LUZP2: variants seen among roughly 807,000 people sequenced by gnomAD.
LUZP2 encodes leucine zipper protein 2.
LUZP2 carries 52 observed loss-of-function variants against 51.6 expected under a neutral mutation model. The observed-to-expected ratio is 1.01, with a 90% CI of 0.81 to 1.27. The LOEUF is 1.27. Ranked by LOEUF, LUZP2 falls within the 50% of genes most tolerant of loss-of-function variation. The probability of loss-of-function intolerance (pLI) is 0.00; values close to 1 mark genes in which losing one functional copy is unlikely to be tolerated. For synonymous variants in LUZP2, 154 were observed against 137.3 expected (o/e 1.12, Z -0.85); for missense variants, 436 against 395.4 (o/e 1.10, Z -0.87).
intron 9 of LUZP2, among the ~76,000 whole-genome samples, chr11:25,013,953 T>C (rs1391976738): frequency 6.6e-6 from 1 of 151,860 alleles, no homozygotes; most frequent in Non-Finnish European, 1.5e-5. Flanking sequence ...CCTGTGTCCA[T>C]GTGTTCTCAT....
At chr11:24,569,212 C>A (rs1020621176) in intron 1 of LUZP2, among the ~76,000 whole-genome samples, 3 of 151,986 alleles carry the variant, frequency 2.0e-5, no homozygotes, top group African/African-American at 7.2e-5. Context: ...GCATTTGTAT[C>A]TACATCTACA....
intron 5 of LUZP2, among the ~76,000 whole-genome samples, chr11:24,782,311 A>G (rs1055595597): frequency 2.0e-5 from 3 of 152,032 alleles, no homozygotes; most frequent in Non-Finnish European, 2.9e-5. Flanking sequence ...CACAGTCTAT[A>G]TTGGGCCTCA....
At chr11:24,592,871 C>A (rs920211360) in intron 1 of LUZP2, among the ~76,000 whole-genome samples, 1 of 152,108 alleles carries the variant, frequency 6.6e-6, no homozygotes, top group African/African-American at 2.4e-5. Flanking sequence ...AGAACAAAGG[C>A]CAGTCTTTAA....
intron 5 of LUZP2, among the ~76,000 whole-genome samples, chr11:24,821,762 AAC>A (rs770545010): frequency 1.3e-5 from 2 of 152,026 alleles, no homozygotes; most frequent in African/African-American, 4.8e-5. Flanking sequence ...ATAATTGAAA[AAC>A]AGTCAAGAAA....
intron 1 of LUZP2, among the ~76,000 whole-genome samples, chr11:24,632,162 G>A (rs1854918606): frequency 6.6e-6 from 1 of 152,038 alleles, no homozygotes; most frequent in Non-Finnish European, 1.5e-5. Context: ...TGAAAGATAG[G>A]CATTTCACTA....
At chr11:24,932,689 G>A (rs1854489602) in intron 7 of LUZP2, among the ~76,000 whole-genome samples, 2 of 151,982 alleles carry the variant, frequency 1.3e-5, no homozygotes, top group South Asian at 4.1e-4. Flanking sequence ...CAGGCAGCAG[G>A]TAAGCAGGAC....
At chr11:24,520,962 T>C (rs1034542199) in intron 1 of LUZP2, among the ~76,000 whole-genome samples, 1 of 152,138 alleles carries the variant, frequency 6.6e-6, no homozygotes, top group Non-Finnish European at 1.5e-5. Context: ...CAGAGGGAAA[T>C]AGGACAATGC....
At chr11:24,861,937 T>A (rs1851755890) in intron 5 of LUZP2, among the ~76,000 whole-genome samples, 1 of 152,106 alleles carries the variant, frequency 6.6e-6, no homozygotes, top group Non-Finnish European at 1.5e-5. Flanking sequence ...CCCCTACACT[T>A]CCTTGTATCT....
intron 1 of LUZP2, among the ~76,000 whole-genome samples, chr11:24,594,450 A>T (rs1410227425): frequency 6.6e-6 from 1 of 152,106 alleles, no homozygotes; most frequent in Non-Finnish European, 1.5e-5. Context: ...CACTCTTTTG[A>T]TGCCCTGTGA....
At chr11:24,729,378 T>C (rs1858624363) in intron 2 of LUZP2, 92 bp downstream of exon 2, 4 of 635,798 alleles carry the variant, frequency 6.3e-6, no homozygotes, top group Non-Finnish European at 7.9e-6. Context: ...TAGTTTTTAA[T>C]GTGTTTCTGG....
chr11:25,047,489 C>T (rs868640862), intron 9 of LUZP2, among the ~76,000 whole-genome samples: 1 of 151,168 alleles, frequency 6.6e-6, no homozygotes, highest in Non-Finnish European at 1.5e-5. Context: ...GCTTTAAACT[C>T]TCGATTAGGA....
chr11:24,847,769 T>C (rs1032092142), intron 5 of LUZP2, among the ~76,000 whole-genome samples: 10 of 152,226 alleles, frequency 6.6e-5, no homozygotes, highest in African/African-American at 2.2e-4. Flanking sequence ...TCACACTTTG[T>C]CTACAGATTA....
intron 1 of LUZP2, among the ~76,000 whole-genome samples, chr11:24,662,570 GATA>G (rs1856058173): frequency 6.6e-6 from 1 of 152,034 alleles, no homozygotes; most frequent in Non-Finnish European, 1.5e-5. Context: ...GAGAAAAACA[GATA>G]ATGAGGACAT....
intron 5 of LUZP2, among the ~76,000 whole-genome samples, chr11:24,904,725 T>C (rs1429837800): frequency 6.6e-6 from 1 of 152,170 alleles, no homozygotes; most frequent in East Asian, 1.9e-4. Flanking sequence ...TTCACTGTAT[T>C]GTTTTCTTCT....
At chr11:24,811,696 A>G (rs1304008383) in intron 5 of LUZP2, among the ~76,000 whole-genome samples, 3 of 151,962 alleles carry the variant, frequency 2.0e-5, no homozygotes, top group Non-Finnish European at 2.9e-5. Flanking sequence ...ATACTGCTCT[A>G]CCTTTAAAAT....
At chr11:24,511,863 G>T (rs1850321579) in intron 1 of LUZP2, among the ~76,000 whole-genome samples, 1 of 152,108 alleles carries the variant, frequency 6.6e-6, no homozygotes, top group Non-Finnish European at 1.5e-5. Context: ...AGTGAATTAT[G>T]CTAAGTCTTA....
intron 1 of LUZP2, among the ~76,000 whole-genome samples, chr11:24,607,075 A>T (rs1590234905): frequency 6.6e-6 from 1 of 151,706 alleles, no homozygotes. Context: ...ATTTTTTTGT[A>T]TTCTATAGGC....
chr11:24,690,099 T>A (rs1022714326), intron 1 of LUZP2, among the ~76,000 whole-genome samples: 1 of 152,170 alleles, frequency 6.6e-6, no homozygotes, highest in African/African-American at 2.4e-5. Context: ...ATCTCTGTGA[T>A]ATAGGATTCC....
intron 5 of LUZP2, among the ~76,000 whole-genome samples, chr11:24,824,831 T>TA (rs1409676584): frequency 6.6e-6 from 1 of 152,148 alleles, no homozygotes; most frequent in Admixed American, 6.6e-5. Flanking sequence ...TATTGAATAA[T>TA]AAATCACTAT....
Sources: allele counts gnomAD v4.1 joint callset (sites outside exome capture counted in the v4.1 genomes callset), GRCh38; gene constraint gnomAD v4.1.1; transcripts MANE v1.5; gene names NCBI Gene and HGNC (gene_info 2026-07-23, HGNC 2026-07-21).